NR6A1: variants seen among roughly 807,000 people sequenced by gnomAD.
NR6A1 encodes retinoic acid receptor-related testis-associated receptor.
NR6A1 carries 7 observed loss-of-function variants against 59.1 expected under a neutral mutation model. That is an observed-to-expected ratio of 0.12 (90% CI 0.07 to 0.22). NR6A1 has a LOEUF of 0.22. Among genes scored for constraint, NR6A1 ranks in the 10% least tolerant of loss-of-function variants. The pLI is 1.00. For synonymous variants in NR6A1, 243 were observed against 236.1 expected (o/e 1.03, Z -0.27); for missense variants, 468 against 611.6 (o/e 0.77, Z 2.48).
intron 2 of NR6A1, among the ~76,000 whole-genome samples, chr9:124,577,512 A>G (rs1206513636): frequency 1.3e-5 from 2 of 152,350 alleles, no homozygotes; most frequent in East Asian, 3.9e-4. Context: ...TGGAGCCATT[A>G]AATTTCAGAG....
At chr9:124,661,963 C>T (rs1028902091) in intron 2 of NR6A1, among the ~76,000 whole-genome samples, 2 of 151,864 alleles carry the variant, frequency 1.3e-5, no homozygotes, top group African/African-American at 4.8e-5. Context: ...ATCCAGCATA[C>T]CCATCTTCAA....
At chr9:124,652,734 A>T (rs1266796606) in intron 2 of NR6A1, among the ~76,000 whole-genome samples, 2 of 152,216 alleles carry the variant, frequency 1.3e-5, no homozygotes, top group Non-Finnish European at 2.9e-5. Context: ...TTGCAACAGC[A>T]CACTTTTGAG....
chr9:124,769,720 T>C (rs1462499794), intron 1 of NR6A1, among the ~76,000 whole-genome samples: 1 of 151,800 alleles, frequency 6.6e-6, no homozygotes, highest in Non-Finnish European at 1.5e-5. Flanking sequence ...TATTCGGAAA[T>C]GAGGAGATGT....
At position 124,741,270 on chromosome 9, in the gene NR6A1, CAT is replaced by C. The variant is rs761724707; in HGVS notation, c.101-7923_101-7922del. Among the ~76,000 whole-genome samples the C allele has an allele frequency of 3.0e-4, 46 of 152,118 alleles. No individual in the cohort carries two copies. The East Asian group carries it at 8.5e-3, about 28-fold the overall frequency. ...CCCTCTTTGTAAATTTGTCACACCA[CAT>C]GTTTTGGATATACATGCTTAAAAAA... On this transcript the variant is annotated intron_variant, in intron 1 of 9. Transcript: ENST00000487099.
intron 1 of NR6A1, among the ~76,000 whole-genome samples, chr9:124,740,782 C>T (rs1294054519): frequency 5.9e-5 from 9 of 152,164 alleles, no homozygotes; most frequent in African/African-American, 2.2e-4. Context: ...TTCCCATCTA[C>T]CTTGTCTCCC....
chr9:124,700,207 T>C (rs1838896498), intron 2 of NR6A1, among the ~76,000 whole-genome samples: 1 of 151,268 alleles, frequency 6.6e-6, no homozygotes, highest in Non-Finnish European at 1.5e-5. Context: ...GTTTGGCTTT[T>C]TTTTTGAAAT....
Position 124,538,132 on chromosome 9 carries a change from C to T in NR6A1, c.784G>A (p.Asp262Asn). The change falls in exon 6 of 10, where the codon GAC (aspartate) becomes AAC (asparagine). Residue 262 changes from aspartate (D) to asparagine (N), a missense_variant. Around this residue, in one of 4 missense-constraint regions of NR6A1, gnomAD observed 151 missense variants for 142.8 expected, o/e 1.06. Transcript: ENST00000487099. ...SLIHQLLSAE[D>N]LEPLGTPMLI... ...ATGGGCGTGCCCAATGGTTCCAGGT[C>T]CTCGGCTGATAACAGCTGGTGAATC... The T allele has an allele frequency of 6.2e-7, 1 of 1,613,756 alleles. No individual in the cohort carries two copies. The highest frequency in any genetic ancestry group is 8.5e-7 in the Non-Finnish European group (1 of 1,179,788).
intron 1 of NR6A1, among the ~76,000 whole-genome samples, chr9:124,759,331 G>T (rs2131191587): frequency 6.6e-6 from 1 of 152,228 alleles, no homozygotes; most frequent in Non-Finnish European, 1.5e-5. Context: ...GTCTTAATCT[G>T]GGATATCTAG....
chr9:124,527,250 G>A (rs1176287261), intron 7 of NR6A1, among the ~76,000 whole-genome samples: 1 of 152,090 alleles, frequency 6.6e-6, no homozygotes, highest in Non-Finnish European at 1.5e-5. Context: ...AGAAGGTCTG[G>A]GATATAAATG....
chr9:124,557,742 G>T (rs1416118301), intron 2 of NR6A1, among the ~76,000 whole-genome samples: 1 of 152,180 alleles, frequency 6.6e-6, no homozygotes, highest in Non-Finnish European at 1.5e-5. Context: ...GCCTGGAAAT[G>T]GAACATGGAA....
rs374942136 is a variant in NR6A1 at position 124,552,227 on chromosome 9, A to G, written c.385+2101T>C. Among the ~76,000 whole-genome samples the G allele has an allele frequency of 1.2e-3, 176 of 152,288 alleles. 2 individuals carry two copies. The highest frequency in any genetic ancestry group is 3.8e-3 in the African/African-American group (156 of 41,568). On this transcript the variant is annotated intron_variant, in intron 3 of 9. Coordinates refer to ENST00000487099, the MANE Select transcript of NR6A1 (RefSeq NM_033334.4). ...CTCACAGTGAGGGCAACAAAGGGAG[A>G]TGAGAGAAGTGGAGGCCAAAACCAA...
At chr9:124,635,622 A>G (rs1454985647) in intron 2 of NR6A1, among the ~76,000 whole-genome samples, 3 of 152,196 alleles carry the variant, frequency 2.0e-5, no homozygotes, top group Admixed American at 1.3e-4. Flanking sequence ...CTCATATAGT[A>G]TGTAGCCTTT....
chr9:124,732,224 C>G (rs922947014), intron 2 of NR6A1, among the ~76,000 whole-genome samples: 2 of 152,204 alleles, frequency 1.3e-5, no homozygotes, highest in Non-Finnish European at 2.9e-5. Flanking sequence ...TCACTGATCT[C>G]AACAGCAGAC....
chr9:124,640,990 T>C (rs552309044), intron 2 of NR6A1, among the ~76,000 whole-genome samples: 49 of 152,270 alleles, frequency 3.2e-4, no homozygotes, highest in African/African-American at 1.1e-3. Flanking sequence ...AAGCATTTCA[T>C]ATGTTATTTT....
intron 7 of NR6A1, among the ~76,000 whole-genome samples, chr9:124,534,699 C>A (rs1017556970): frequency 2.6e-5 from 4 of 152,224 alleles, no homozygotes; most frequent in African/African-American, 9.6e-5. Flanking sequence ...CAGGCATATG[C>A]TCAAATCTAA....
chr9:124,559,144 T>C (rs1012419510), intron 2 of NR6A1, among the ~76,000 whole-genome samples: 15 of 152,186 alleles, frequency 9.9e-5, no homozygotes, highest in Non-Finnish European at 1.9e-4. Context: ...CTTCGAGACA[T>C]ATTATTCCTA....
chr9:124,641,796 G>A (rs1333791418), intron 2 of NR6A1, among the ~76,000 whole-genome samples: 2 of 152,172 alleles, frequency 1.3e-5, no homozygotes, highest in African/African-American at 2.4e-5. Context: ...CTAAAGCTAC[G>A]CTCTATATGC....
intron 1 of NR6A1, among the ~76,000 whole-genome samples, chr9:124,753,175 C>T (rs1048060114): frequency 5.3e-5 from 8 of 152,194 alleles, no homozygotes; most frequent in Admixed American, 1.3e-4. Flanking sequence ...TTTCCACTCT[C>T]TTTCAATCCT....
At chr9:124,558,072 C>T (rs1833979871) in intron 2 of NR6A1, among the ~76,000 whole-genome samples, 1 of 152,140 alleles carries the variant, frequency 6.6e-6, no homozygotes, top group South Asian at 2.1e-4. Context: ...AACAATTTGT[C>T]CACCTAGAAA....
Sources: gnomAD v4.1 joint callset for allele counts (sites outside exome capture counted in the v4.1 genomes callset) on GRCh38, gnomAD v4.1.1 for gene constraint, gnomAD v4.1.1 regional missense constraint, MANE v1.5 for transcripts, NCBI Gene and HGNC (gene_info 2026-07-23, HGNC 2026-07-21) for gene names.